The following DMD variants were observed in gnomAD, a reference collection of about 807,000 sequenced individuals.
DMD encodes the protein mutant dystrophin.
In DMD, 63 loss-of-function variants were observed where a neutral mutation model predicts 330.1. The observed-to-expected ratio is 0.19, with a 90% CI of 0.16 to 0.24. DMD has a LOEUF of 0.24. Among genes scored for constraint, DMD ranks in the 10% least tolerant of loss-of-function variants. The pLI, the probability that DMD is intolerant of heterozygous loss-of-function variation, is 1.00. For synonymous variants in DMD, 1,223 were observed against 959.8 expected (o/e 1.27, Z -5.07); for missense variants, 3,344 against 2,684.1 (o/e 1.25, Z -5.43).
At position 32,629,270 on chromosome X, in the gene DMD, C is replaced by T. The variant is rs764206894; in HGVS notation, c.1332-14817G>A. On this transcript the variant is annotated intron_variant, in intron 11 of 78. Coordinates refer to ENST00000357033, the MANE Select transcript of DMD (RefSeq NM_004006.3). ...GACCCCTTTATCATTCTACAATGAC[C>T]GGCGTTGTCCCTTTTTATAGTTTTT... 5.4e-5 allele frequency among the ~76,000 whole-genome samples: 6 copies of T among 111,699 alleles called. No homozygotes were observed. The South Asian group carries it at 2.2e-3, about 42-fold the overall frequency.
At chrX:32,241,444 T>C (rs775549097) in intron 43 of DMD, among the ~76,000 whole-genome samples, 1 of 112,689 alleles carries the variant, frequency 8.9e-6, no homozygotes, top group Admixed American at 9.4e-5. Flanking sequence ...GGCTACAGCC[T>C]GAAGAAGCAC....
intron 1 of DMD, among the ~76,000 whole-genome samples, chrX:33,118,974 C>T (rs1445543977): frequency 8.9e-6 from 1 of 112,042 alleles, no homozygotes; most frequent in Non-Finnish European, 1.9e-5. Flanking sequence ...CCATATCTGA[C>T]ACTAAATCCT....
At chrX:31,424,261 GT>G (rs2063581096) in intron 60 of DMD, among the ~76,000 whole-genome samples, 1 of 111,735 alleles carries the variant, frequency 8.9e-6, no homozygotes, top group Admixed American at 9.5e-5. Flanking sequence ...GGAAACTTCC[GT>G]TTTTTGCTTA....
chrX:31,775,549 G>T (rs745390700), intron 50 of DMD, among the ~76,000 whole-genome samples: 2 of 111,390 alleles, frequency 1.8e-5, no homozygotes, highest in African/African-American at 6.5e-5. Flanking sequence ...ACAGACTCAA[G>T]AGCATAATAT....
chrX:32,889,857 G>A (rs912595990), intron 2 of DMD, among the ~76,000 whole-genome samples: 3 of 111,287 alleles, frequency 2.7e-5, no homozygotes, highest in Non-Finnish European at 5.7e-5. Flanking sequence ...CACAAAGCCT[G>A]TTTGGTGGTC....
intron 43 of DMD, among the ~76,000 whole-genome samples, chrX:32,264,218 C>A (rs893143183): frequency 1.2e-4 from 13 of 111,166 alleles, no homozygotes; most frequent in African/African-American, 4.3e-4. Context: ...CTTTGCTCGG[C>A]ACTTCTCCTT....
chrX:33,297,910 T>C (rs1325692847), intron 1 of DMD, among the ~76,000 whole-genome samples: 1 of 110,613 alleles, frequency 9.0e-6, no homozygotes, highest in African/African-American at 3.3e-5. Context: ...AATATTAATG[T>C]CCTTTATACT....
intron 45 of DMD, among the ~76,000 whole-genome samples, chrX:31,940,626 T>A (rs1878990292): frequency 9.0e-6 from 1 of 111,203 alleles, no homozygotes; most frequent in South Asian, 3.7e-4. Context: ...CAGAAAATTT[T>A]TGTAAAGTTT....
At chrX:31,174,064 A>G (rs1363111307) in intron 71 of DMD, among the ~76,000 whole-genome samples, 1 of 111,992 alleles carries the variant, frequency 8.9e-6, no homozygotes, top group Non-Finnish European at 1.9e-5. Flanking sequence ...TTAGCTTCAA[A>G]GAGGCTACTC....
chrX:32,861,392 TTAAA>T (rs201444157), intron 2 of DMD, among the ~76,000 whole-genome samples: 3,100 of 111,856 alleles, frequency 0.028, 112 homozygotes, highest in African/African-American at 0.096. Context: ...AATAAAAACA[TTAAA>T]TAAATTACAT....
chrX:33,020,172 T>C lies in DMD; in HGVS notation c.60A>G (p.Thr20=), dbSNP rs771449240. ...ATTGTGCATTTACCCATTTTGTGAA[T>C]GTTTTCTTTTGAACATCTTCTCTTT... ...CYEREDVQKK[T]FTKWVNAQFS... The change falls in exon 2 of 79, where the codon ACA becomes ACG. Residue 20 remains threonine, a synonymous_variant. Coordinates refer to ENST00000357033, the MANE Select transcript of DMD (RefSeq NM_004006.3). 2.0e-5 allele frequency: 24 copies of C among 1,188,995 alleles called. No homozygotes were observed. Among genetic ancestry groups the C allele is most frequent in the Non-Finnish European group, 2.7e-5 (24 of 879,468 alleles).
intron 60 of DMD, among the ~76,000 whole-genome samples, chrX:31,407,769 C>T (rs112520412): frequency 0.062 from 6,850 of 110,145 alleles, 352 homozygotes; most frequent in African/African-American, 0.17. Flanking sequence ...CATGAGCCAC[C>T]GCACCCGATC....
At chrX:33,227,923 C>T (rs1569558900) in intron 1 of DMD, among the ~76,000 whole-genome samples, 1 of 110,561 alleles carries the variant, frequency 9.0e-6, no homozygotes, top group Non-Finnish European at 1.9e-5. Context: ...ATATTTGATT[C>T]GAATTTAAAT....
At chrX:32,638,455 C>T (rs1207614466) in intron 11 of DMD, among the ~76,000 whole-genome samples, 1 of 111,964 alleles carries the variant, frequency 8.9e-6, no homozygotes, top group African/African-American at 3.2e-5. Flanking sequence ...GATCAGGGAT[C>T]ACCTGGGATA....
At chrX:32,538,819 T>C (rs1309090384) in intron 17 of DMD, among the ~76,000 whole-genome samples, 1 of 111,360 alleles carries the variant, frequency 9.0e-6, no homozygotes, top group Non-Finnish European at 1.9e-5. Context: ...ACTGTTGTCA[T>C]GCCAGTGCGA....
At chrX:32,475,867 A>C (rs1299318500) in intron 21 of DMD, among the ~76,000 whole-genome samples, 1 of 110,718 alleles carries the variant, frequency 9.0e-6, no homozygotes, top group Non-Finnish European at 1.9e-5. Context: ...GATGCCCTTT[A>C]TTTCTTTCTC....
chrX:32,513,412 T>C (rs1309138512), intron 18 of DMD, among the ~76,000 whole-genome samples: 1 of 112,521 alleles, frequency 8.9e-6, no homozygotes, highest in Non-Finnish European at 1.9e-5. Flanking sequence ...AGCTACAGGA[T>C]TGTCATCTTA....
At chrX:32,573,352 C>A (rs1244815339) in intron 15 of DMD, among the ~76,000 whole-genome samples, 178 bp downstream of exon 15, 1 of 111,690 alleles carries the variant, frequency 9.0e-6, no homozygotes, top group Non-Finnish European at 1.9e-5. Context: ...AGTTGAAAAT[C>A]CACCTATAGT....
At chrX:32,599,766 GCATT>G (rs2055983036) in intron 12 of DMD, among the ~76,000 whole-genome samples, 2 of 111,365 alleles carry the variant, frequency 1.8e-5, no homozygotes, top group Admixed American at 9.6e-5. Flanking sequence ...ACTTTATTAT[GCATT>G]TATTTTCATT....
Sources: gnomAD v4.1 joint callset for allele counts (sites outside exome capture counted in the v4.1 genomes callset) on GRCh38, gnomAD v4.1.1 for gene constraint, MANE v1.5 for transcripts, NCBI Gene and HGNC (gene_info 2026-07-23, HGNC 2026-07-21) for gene names.